VPS13B: variants seen among roughly 807,000 people sequenced by gnomAD.
The protein encoded by VPS13B is vacuolar protein sorting 13 homolog B.
VPS13B carries 285 observed loss-of-function variants against 426.4 expected under a neutral mutation model. The ratio of observed to expected loss-of-function variants is 0.67; its 90% confidence interval spans 0.61 to 0.74. The LOEUF (loss-of-function observed/expected upper bound fraction) is 0.74, where lower values mean the gene tolerates loss of function less well. Among genes scored for constraint, VPS13B ranks in the 30% least tolerant of loss-of-function variants. VPS13B has a pLI of 0.00. For missense variants in VPS13B, 4,537 were observed against 4,782.6 expected (o/e 0.95, Z 1.51); for synonymous variants, 1,676 against 1,676.4 (o/e 1.00, Z 0.01).
intron 2 of VPS13B, among the ~76,000 whole-genome samples, chr8:99,019,540 G>A (rs551105395): frequency 1.2e-4 from 19 of 152,142 alleles, no homozygotes; most frequent in South Asian, 4.2e-4. Flanking sequence ...GTGGTATTAC[G>A]TATGTTTACA....
intron 22 of VPS13B, among the ~76,000 whole-genome samples, chr8:99,438,809 TAATGGCCCCTATATACAGAGATAGTGA>T (rs1470535702): frequency 6.6e-6 from 1 of 152,174 alleles, no homozygotes; most frequent in African/African-American, 2.4e-5. Flanking sequence ...ATACTAATTT[TAATGGCCCCTATATACAGAGATAGTGA>T]AACCGTAAGC....
chr8:99,359,876 C>T (rs1281778957), intron 19 of VPS13B, among the ~76,000 whole-genome samples: 1 of 152,180 alleles, frequency 6.6e-6, no homozygotes, highest in East Asian at 1.9e-4. Context: ...GATCTTGGCT[C>T]ACTGCAGCCT....
At chr8:99,111,568 A>G (rs1486807738) in intron 6 of VPS13B, among the ~76,000 whole-genome samples, 1 of 152,006 alleles carries the variant, frequency 6.6e-6, no homozygotes, top group Non-Finnish European at 1.5e-5. Flanking sequence ...AGGAAATAAT[A>G]TTAAAAGGTA....
At chr8:99,427,927 A>C (rs533839714) in intron 21 of VPS13B, among the ~76,000 whole-genome samples, 55 of 152,310 alleles carry the variant, frequency 3.6e-4, no homozygotes, top group African/African-American at 1.3e-3. Flanking sequence ...TGGTACTGGT[A>C]CCAAAACAGA....
At chr8:99,474,647 G>A (rs1017913854) in intron 24 of VPS13B, among the ~76,000 whole-genome samples, 12 of 152,024 alleles carry the variant, frequency 7.9e-5, no homozygotes, top group African/African-American at 1.9e-4. Context: ...GGGGAAAAAC[G>A]TCATGAAGAA....
chr8:99,502,976 A>T, intron 27 of VPS13B, 26 bp downstream of exon 27: 1 of 1,523,726 alleles, frequency 6.6e-7, no homozygotes, highest in Non-Finnish European at 9.1e-7. Context: ...TGAATATAAG[A>T]AAATCTGTAT....
chr8:99,846,205 C>T (rs952809110), intron 54 of VPS13B, among the ~76,000 whole-genome samples: 11 of 152,298 alleles, frequency 7.2e-5, no homozygotes, highest in African/African-American at 2.4e-4. Context: ...CCATTGCCCT[C>T]ATGGAACTTA....
chr8:99,574,950 G>A (rs1448364661), intron 31 of VPS13B, among the ~76,000 whole-genome samples: 1 of 152,076 alleles, frequency 6.6e-6, no homozygotes, highest in African/African-American at 2.4e-5. Flanking sequence ...AATTGCTTGA[G>A]CCTAGGAGTT....
chr8:99,762,207 G>C (rs1329546602), intron 39 of VPS13B, among the ~76,000 whole-genome samples: 2 of 151,712 alleles, frequency 1.3e-5, no homozygotes, highest in African/African-American at 2.4e-5. Context: ...TTTTCCTCCT[G>C]TAGAGACAGG....
At chr8:99,352,501 T>A (rs1004582476) in intron 19 of VPS13B, among the ~76,000 whole-genome samples, 9 of 152,128 alleles carry the variant, frequency 5.9e-5, no homozygotes, top group African/African-American at 2.2e-4. Flanking sequence ...AAGAAAAATG[T>A]ATATGACCAG....
At chr8:99,598,269 A>C (rs1339195049) in intron 33 of VPS13B, among the ~76,000 whole-genome samples, 1 of 152,080 alleles carries the variant, frequency 6.6e-6, no homozygotes, top group Non-Finnish European at 1.5e-5. Context: ...GTGATCTTCA[A>C]ACATAAATAT....
chr8:99,640,694 T>C (rs980125266), intron 33 of VPS13B, among the ~76,000 whole-genome samples: 9 of 152,208 alleles, frequency 5.9e-5, no homozygotes, highest in African/African-American at 2.2e-4. Flanking sequence ...TAACACTAAA[T>C]GAAATGTTAT....
intron 44 of VPS13B, among the ~76,000 whole-genome samples, chr8:99,814,083 T>C (rs1276811481): frequency 6.6e-6 from 1 of 152,216 alleles, no homozygotes; most frequent in Non-Finnish European, 1.5e-5. Flanking sequence ...AAGGCTGCAG[T>C]GAGCTGAAAT....
At chr8:99,290,067 T>G (rs34194232) in intron 19 of VPS13B, among the ~76,000 whole-genome samples, 9,059 of 152,114 alleles carry the variant, frequency 0.06, 385 homozygotes, top group Non-Finnish European at 0.094. Context: ...GACCATGTAG[T>G]TACCTGTATT....
At chr8:99,602,632 C>A (rs531983236) in intron 33 of VPS13B, among the ~76,000 whole-genome samples, 1 of 152,158 alleles carries the variant, frequency 6.6e-6, no homozygotes, top group African/African-American at 2.4e-5. Context: ...ATTTAGAAAA[C>A]CCCATTGTCT....
At chr8:99,441,137 G>A (rs528882936) in intron 22 of VPS13B, among the ~76,000 whole-genome samples, 1 of 152,148 alleles carries the variant, frequency 6.6e-6, no homozygotes, top group Admixed American at 6.5e-5. Context: ...ATGAGCTCAT[G>A]CTTCACAAAC....
intron 17 of VPS13B, among the ~76,000 whole-genome samples, chr8:99,235,333 A>T (rs1191369304): frequency 1.3e-5 from 2 of 152,202 alleles, no homozygotes; most frequent in Non-Finnish European, 2.9e-5. Flanking sequence ...TATATTGAAA[A>T]TTTATTTTAA....
At chr8:99,730,777 G>T (rs112588483) in intron 39 of VPS13B, among the ~76,000 whole-genome samples, 4 of 149,018 alleles carry the variant, frequency 2.7e-5, no homozygotes. Flanking sequence ...ACCTCCTGAA[G>T]GGTACCTGTA....
chr8:99,313,104 T>C (rs1014337137), intron 19 of VPS13B, among the ~76,000 whole-genome samples: 7 of 152,218 alleles, frequency 4.6e-5, no homozygotes, highest in African/African-American at 1.7e-4. Context: ...TTCTTTGAGA[T>C]GGGTTCGAAC....
Sources: allele counts gnomAD v4.1 joint callset (sites outside exome capture counted in the v4.1 genomes callset), GRCh38; gene constraint gnomAD v4.1.1; transcripts MANE v1.5; gene names NCBI Gene and HGNC (gene_info 2026-07-23, HGNC 2026-07-21).